The following FAM204A variants were observed in gnomAD, a reference collection of about 807,000 sequenced individuals.
FAM204A encodes the protein family with sequence similarity 204 member A.
FAM204A carries 16 observed loss-of-function variants against 35.4 expected under a neutral mutation model. That is an observed-to-expected ratio of 0.45 (90% CI 0.31 to 0.69). The LOEUF is 0.69. Ranked by LOEUF, FAM204A falls within the 30% of genes least tolerant of loss-of-function variation. The probability of loss-of-function intolerance (pLI) is 0.07; values close to 1 mark genes in which losing one functional copy is unlikely to be tolerated. For synonymous variants in FAM204A, 76 were observed against 86.9 expected (o/e 0.88, Z 0.70); for missense variants, 240 against 265.7 (o/e 0.90, Z 0.67).
intron 6 of FAM204A, among the ~76,000 whole-genome samples, chr10:118,329,492 T>A (rs1229940951): frequency 1.3e-5 from 2 of 152,168 alleles, no homozygotes; most frequent in Non-Finnish European, 2.9e-5. Context: ...AAAATATTAA[T>A]CATCCCTTTA....
intron 7 of FAM204A, among the ~76,000 whole-genome samples, chr10:118,312,204 C>T (rs1845963938): frequency 6.6e-6 from 1 of 152,168 alleles, no homozygotes. Context: ...CTCAAGAGTA[C>T]CCATTAAGAA....
intron 6 of FAM204A, 23 bp from the exon 7 acceptor site, chr10:118,326,266 A>C: frequency 6.3e-7 from 1 of 1,592,086 alleles, no homozygotes; most frequent in Non-Finnish European, 8.6e-7. Context: ...GAAACCTAAA[A>C]TTAAGGGCTG....
chr10:118,321,155 A>C (rs575175085), intron 7 of FAM204A, among the ~76,000 whole-genome samples: 1 of 152,080 alleles, frequency 6.6e-6, no homozygotes, highest in South Asian at 2.1e-4. Flanking sequence ...CTGATGAAAA[A>C]CCAATATACC....
At position 118,335,225 on chromosome 10, in the gene FAM204A, T is replaced by C. The variant is rs1263730445; in HGVS notation, c.354-12A>G. The C allele has an allele frequency of 5.0e-6, 8 of 1,607,402 alleles. No homozygotes were observed. The highest frequency in any genetic ancestry group is 2.7e-5 in the African/African-American group (2 of 74,636). On this transcript the variant is annotated splice_polypyrimidine_tract_variant and intron_variant, in intron 5 of 8. Transcript: ENST00000369183. ...TTGAGGACGGTTCACTAAAAGAAGA[T>C]AGTAAGTTTTGTTTTATACAATATA...
In FAM204A at chr10:118,308,094, A is replaced by G. The variant is rs1383900064; in HGVS notation, c.*2763T>C. On this transcript the variant is annotated 3_prime_UTR_variant, in exon 9 of 9. Transcript: ENST00000369183. ...CCTGAGGGCTCCCAAACAAGAATGC[A>G]CTGCCAACTTCCCTTTCTCAGAACC... 6.6e-6 allele frequency: 1 copy of G among 152,248 alleles called. No homozygotes were observed. The highest frequency in any genetic ancestry group is 1.5e-5 in the Non-Finnish European group (1 of 68,048). 9.4% of individuals were successfully genotyped at this position (152,248 alleles called of 1,614,324 possible).
chr10:118,326,208 C>A lies in FAM204A; in HGVS notation c.489G>T (p.Glu163Asp). 6.2e-7 allele frequency: 1 copy of A among 1,613,976 alleles called. No homozygotes were observed. The highest frequency in any genetic ancestry group is 8.5e-7 in the Non-Finnish European group (1 of 1,179,880). The change falls in exon 7 of 9, where the codon GAG becomes GAT. Residue 163 changes from glutamate to aspartate, a missense_variant. Glu to Asp is a conservative substitution (Grantham distance 45, BLOSUM62 2). Transcript: ENST00000369183. ...CCTCAGCCTTCTCAATATTCCACTC[C>A]TCCACAGCCTGGTCTATCCTCTTTT... is the stretch of plus-strand genomic sequence containing the variant. ...GLEKRIDQAV[E>D]EWNIEKAEEL...
In FAM204A at chr10:118,300,986, A is replaced by T. The variant is rs1845802792; in HGVS notation, c.*9871T>A. 1 of 152,194 alleles carries T rather than the reference A, an allele frequency of 6.6e-6. No homozygotes were observed. Among genetic ancestry groups the T allele is most frequent in the Non-Finnish European group, 1.5e-5 (1 of 68,032 alleles). 9.4% of individuals were successfully genotyped at this position (152,194 alleles called of 1,614,324 possible). ...CATTATTAACAACAGCACTTTACAAATAGAAATTTGTTGAGGCTCAGAGTT... is the reference window on the plus strand; with the variant it reads ...CATTATTAACAACAGCACTTTACAATTAGAAATTTGTTGAGGCTCAGAGTT... On this transcript the variant is annotated 3_prime_UTR_variant, in exon 9 of 9. Transcript: ENST00000369183.
rs1845824038 is a variant in FAM204A at position 118,302,887 on chromosome 10, A to G, written c.*7970T>C. Reference sequence around the variant, plus strand: ...CGTGTAAGAAGCGGGTGCTGCTCCAAGACAATGAGTCTTCTTTGTATGCAC... The same window carrying G: ...CGTGTAAGAAGCGGGTGCTGCTCCAGGACAATGAGTCTTCTTTGTATGCAC... On this transcript the variant is annotated 3_prime_UTR_variant, in exon 9 of 9. Transcript: ENST00000369183. The G allele has an allele frequency of 6.6e-6, 1 of 152,226 alleles. No individual in the cohort carries two copies. The highest frequency in any genetic ancestry group is 2.4e-5 in the African/African-American group (1 of 41,466). The allele number at this position is 152,226 out of a possible 1,614,324, so 9.4% of individuals were successfully genotyped here.
chr10:118,318,277 G>C (rs1846061144), intron 7 of FAM204A, among the ~76,000 whole-genome samples: 1 of 151,968 alleles, frequency 6.6e-6, no homozygotes, highest in African/African-American at 2.4e-5. Context: ...TTTTGCCAGA[G>C]TGCAGACATT....
In FAM204A at chr10:118,335,153, A is replaced by G; in HGVS notation, c.414T>C (p.Asp138=). 6.2e-7 allele frequency: 1 copy of G among 1,613,524 alleles called. No homozygotes were observed. The highest frequency in any genetic ancestry group is 8.5e-7 in the Non-Finnish European group (1 of 1,179,748). ...KELTQYFGVN[D]RFDPPVKRKK... is the part of the protein sequence containing the mutation. ...TCCTTTTAACAGGCGGGTCAAATCT[A>G]TCATTGACTCCAAAATACTGAGTAA... Residue 138 remains aspartate (D), a synonymous_variant, in exon 6 of 9, where the codon GAT becomes GAC. Transcript: ENST00000369183.
At chr10:118,314,224 ACCT>A (rs1345367030) in intron 7 of FAM204A, among the ~76,000 whole-genome samples, 4 of 152,126 alleles carry the variant, frequency 2.6e-5, no homozygotes, top group African/African-American at 9.7e-5. Flanking sequence ...TTTCAAACAG[ACCT>A]GATCCTATAA....
At chr10:118,330,287 A>C (rs193025287) in intron 6 of FAM204A, among the ~76,000 whole-genome samples, 2 of 152,196 alleles carry the variant, frequency 1.3e-5, no homozygotes, top group African/African-American at 4.8e-5. Context: ...TCAACTCAGA[A>C]CTTATCCAAT....
Position 118,305,038 on chromosome 10 carries a change from G to C in FAM204A, c.*5819C>G, listed in dbSNP as rs978936955. Reference sequence around the variant, plus strand: ...TGTGTTCCACTTCCAGGCCAGGCCCGTAACTTCCCGCCAGTGCTCTTCCAT... The same window carrying C: ...TGTGTTCCACTTCCAGGCCAGGCCCCTAACTTCCCGCCAGTGCTCTTCCAT... On this transcript the variant is annotated 3_prime_UTR_variant, in exon 9 of 9. Transcript: ENST00000369183. The C allele has an allele frequency of 2.0e-5, 3 of 152,300 alleles. No homozygotes were observed. The highest frequency in any genetic ancestry group is 7.2e-5 in the African/African-American group (3 of 41,552). The allele number at this position is 152,300 out of a possible 1,614,324, so 9.4% of individuals were successfully genotyped here. A position where few individuals can be genotyped will look rare whatever the true frequency, so the allele number is the denominator to read the frequency against.
Position 118,341,778 on chromosome 10 carries a change from T to C in FAM204A, c.-60A>G, listed in dbSNP as rs1846487635. On this transcript the variant is annotated 5_prime_UTR_variant, in exon 2 of 9. Coordinates refer to ENST00000369183, the MANE Select transcript of FAM204A (RefSeq NM_022063.3). ...TCTAGAAAGGTACACCGTTCCTGCT[T>C]GGCTGCACAACCCGGAATTCTGCAG... 6.6e-6 allele frequency: 1 copy of C among 152,154 alleles called. No homozygotes were observed. The highest frequency in any genetic ancestry group is 2.4e-5 in the African/African-American group (1 of 41,430). 9.4% of individuals were successfully genotyped at this position (152,154 alleles called of 1,614,324 possible). A position where few individuals can be genotyped will look rare whatever the true frequency, so the allele number is the denominator to read the frequency against.
In FAM204A at chr10:118,304,719, G is replaced by C. The variant is rs1043350293; in HGVS notation, c.*6138C>G. 2.0e-5 allele frequency: 3 copies of C among 152,200 alleles called. No homozygotes were observed. The highest frequency in any genetic ancestry group is 7.2e-5 in the African/African-American group (3 of 41,438). 9.4% of individuals were successfully genotyped at this position (152,200 alleles called of 1,614,324 possible). Reference sequence around the variant, plus strand: ...TGACTGAGCATGCAATGCTCTTTCAGCAGGTATCACACTGTGACACCACAC... The same window carrying C: ...TGACTGAGCATGCAATGCTCTTTCACCAGGTATCACACTGTGACACCACAC... On this transcript the variant is annotated 3_prime_UTR_variant, in exon 9 of 9. Transcript: ENST00000369183.
At position 118,309,962 on chromosome 10, in the gene FAM204A, C is replaced by T. The variant is rs753367738; in HGVS notation, c.*895G>A. On this transcript the variant is annotated 3_prime_UTR_variant, in exon 9 of 9. Coordinates refer to ENST00000369183, the MANE Select transcript of FAM204A (RefSeq NM_022063.3). ...TATTGTAATAGTTTATCTGAAAGTACACAAAAATTAACAAATTGCTTTTAC... is the reference window on the plus strand; with the variant it reads ...TATTGTAATAGTTTATCTGAAAGTATACAAAAATTAACAAATTGCTTTTAC... 3.3e-5 allele frequency: 5 copies of T among 151,982 alleles called. No individual in the cohort carries two copies. The highest frequency in any genetic ancestry group is 7.4e-5 in the Non-Finnish European group (5 of 67,994). The allele number at this position is 151,982 out of a possible 1,614,324, so 9.4% of individuals were successfully genotyped here. A position where few individuals can be genotyped will look rare whatever the true frequency, so the allele number is the denominator to read the frequency against.
At chr10:118,310,964 C>T (rs1027761382) in intron 8 of FAM204A, 56 bp from the exon 9 acceptor site, 32 of 1,474,126 alleles carry the variant, frequency 2.2e-5, no homozygotes, top group African/African-American at 8.5e-5. Context: ...AAATACTTTG[C>T]TGAACATGTT....
In FAM204A at chr10:118,309,391, T is replaced by C. The variant is rs1211500663; in HGVS notation, c.*1466A>G. On this transcript the variant is annotated 3_prime_UTR_variant, in exon 9 of 9. Transcript: ENST00000369183. ...TTTGTTACTATTTTAAGTCTAAAAA[T>C]AACAGTAATATAATCATGATTCATT... 6.6e-6 allele frequency: 1 copy of C among 152,190 alleles called. No homozygotes were observed. The highest frequency in any genetic ancestry group is 1.5e-5 in the Non-Finnish European group (1 of 68,012). 9.4% of individuals were successfully genotyped at this position (152,190 alleles called of 1,614,324 possible).
chr10:118,329,534 C>G (rs533436800), intron 6 of FAM204A, among the ~76,000 whole-genome samples: 1 of 152,116 alleles, frequency 6.6e-6, no homozygotes, highest in East Asian at 1.9e-4. Context: ...TCTCTATCTA[C>G]GCAGAGCTCC....
Sources: allele counts gnomAD v4.1 joint callset (sites outside exome capture counted in the v4.1 genomes callset), GRCh38; gene constraint gnomAD v4.1.1; transcripts MANE v1.5; gene names NCBI Gene and HGNC (gene_info 2026-07-23, HGNC 2026-07-21).